Variants in KCNH5 observed in about 807,000 individuals in gnomAD.
KCNH5 encodes the protein potassium voltage-gated channel subfamily H member 5.
KCNH5 carries 46 observed loss-of-function variants against 96.1 expected under a neutral mutation model. The observed-to-expected ratio is 0.48, with a 90% CI of 0.38 to 0.61. KCNH5 has a LOEUF of 0.61. KCNH5 is among the 20% of genes least tolerant of loss of function. The pLI, the probability that KCNH5 is intolerant of heterozygous loss-of-function variation, is 0.00. For synonymous variants in KCNH5, 439 were observed against 449.8 expected, an observed-to-expected ratio of 0.98 and a Z score of 0.30; for missense variants, 907 against 1,225.8, an observed-to-expected ratio of 0.74 and a Z score of 3.88.
In KCNH5 at chr14:62,708,242, C is replaced by A. The variant is rs4902176; in HGVS notation, c.2233G>T (p.Ala745Ser). Residue 745 changes from alanine (A) to serine (S), a missense_variant, in exon 11 of 11, where the codon GCC (alanine) becomes TCC (serine). Coordinates refer to ENST00000322893, the MANE Select transcript of KCNH5 (RefSeq NM_139318.5). ...ACCACGCTGGTTCCGGTGATGGAGG[C>A]TCCATTCTGTAAGGAGCGGCTCTCT... ...QVESRSLQNG[A>S]SITGTSVVTV... is the part of the protein sequence containing the mutation. The A allele has an allele frequency of 1.2e-6, 2 of 1,613,996 alleles. No homozygotes were observed. The highest frequency in any genetic ancestry group is 2.2e-5 in the South Asian group (2 of 91,084).
chr14:62,791,814 G>A (rs1595624098), intron 9 of KCNH5, among the ~76,000 whole-genome samples: 1 of 151,620 alleles, frequency 6.6e-6, no homozygotes, highest in South Asian at 2.1e-4. Context: ...GCATAGAGAT[G>A]CAATAACAGC....
At position 62,897,243 on chromosome 14, in the gene KCNH5, T is replaced by C. The variant is rs527341540; in HGVS notation, c.1370-47391A>G. Among the ~76,000 whole-genome samples, 5 of 152,230 alleles carry C rather than the reference T, an allele frequency of 3.3e-5. No individual in the cohort carries two copies. The South Asian group carries it at 6.2e-4, about 19-fold the overall frequency. ...CTTGAGCAAGCATCTGAGAAACAAATAGCAATAACTCCTTATTAGCATGAC... is the reference window on the plus strand; with the variant it reads ...CTTGAGCAAGCATCTGAGAAACAAACAGCAATAACTCCTTATTAGCATGAC... On this transcript the variant is annotated intron_variant, in intron 7 of 10. Coordinates refer to ENST00000322893, the MANE Select transcript of KCNH5 (RefSeq NM_139318.5).
chr14:62,792,132 A>T (rs574872542), intron 9 of KCNH5, among the ~76,000 whole-genome samples: 1 of 151,740 alleles, frequency 6.6e-6, no homozygotes, highest in South Asian at 2.1e-4. Flanking sequence ...TGAGTATTAA[A>T]ATTAAGAAAT....
intron 8 of KCNH5, among the ~76,000 whole-genome samples, chr14:62,824,226 G>A (rs1887173083): frequency 6.6e-6 from 1 of 151,974 alleles, no homozygotes; most frequent in Admixed American, 6.6e-5. Context: ...GACAACCAAT[G>A]CTTGAGATTC....
rs1595644248 is a variant in KCNH5 at position 62,831,453 on chromosome 14, T to C, written c.1569+18200A>G. On this transcript the variant is annotated intron_variant, in intron 8 of 10. Coordinates refer to ENST00000322893, the MANE Select transcript of KCNH5 (RefSeq NM_139318.5). ...ATCCAGAGGTAAGCACTGGGTTTTT[T>C]AGTTGTATTTCCCTTACTACTGCTG... 4.6e-5 allele frequency among the ~76,000 whole-genome samples: 7 copies of C among 152,306 alleles called. 1 individual carries two copies.
intron 10 of KCNH5, among the ~76,000 whole-genome samples, chr14:62,772,337 T>C (rs1216316697): frequency 1.3e-5 from 2 of 152,074 alleles, no homozygotes; most frequent in African/African-American, 4.8e-5. Flanking sequence ...TAACTTAAGA[T>C]ACAAAAGTGA....
chr14:62,980,748 G>A, intron 6 of KCNH5, 124 bp downstream of exon 6: 1 of 969,092 alleles, frequency 1.0e-6, no homozygotes, highest in Non-Finnish European at 1.5e-6. Flanking sequence ...CTTTTGGCAA[G>A]GGTTTCAAGA....
intron 9 of KCNH5, among the ~76,000 whole-genome samples, chr14:62,796,723 G>A (rs773369780): frequency 1.3e-5 from 2 of 152,150 alleles, no homozygotes; most frequent in Non-Finnish European, 2.9e-5. Flanking sequence ...AAGTCCTGAC[G>A]ACATGTGCCC....
intron 10 of KCNH5, among the ~76,000 whole-genome samples, chr14:62,747,113 C>T (rs1885394229): frequency 6.6e-6 from 1 of 152,234 alleles, no homozygotes; most frequent in Admixed American, 6.5e-5. Context: ...GCGGGTGGAT[C>T]ACCTGAGGTC....
intron 8 of KCNH5, among the ~76,000 whole-genome samples, chr14:62,820,554 T>C (rs1887093906): frequency 6.6e-6 from 1 of 152,100 alleles, no homozygotes; most frequent in South Asian, 2.1e-4. Flanking sequence ...TGTGTGCTCA[T>C]CATTTAGCTC....
chr14:62,885,024 C>T (rs1888568767), intron 7 of KCNH5, among the ~76,000 whole-genome samples: 1 of 152,108 alleles, frequency 6.6e-6, no homozygotes, highest in African/African-American at 2.4e-5. Context: ...TCCCAGTACT[C>T]TATAAAAGAA....
intron 7 of KCNH5, among the ~76,000 whole-genome samples, chr14:62,929,849 G>A (rs1438575800): frequency 6.6e-6 from 1 of 151,780 alleles, no homozygotes; most frequent in East Asian, 1.9e-4. Context: ...CCATGTTTAT[G>A]TCCATGGGTG....
intron 10 of KCNH5, among the ~76,000 whole-genome samples, chr14:62,747,446 T>G (rs1025771732): frequency 6.6e-6 from 1 of 152,208 alleles, no homozygotes; most frequent in Non-Finnish European, 1.5e-5. Flanking sequence ...TTCCCCTGAG[T>G]GTCTCCCATT....
chr14:62,779,985 T>G lies in KCNH5; in HGVS notation c.1823-61A>C, dbSNP rs189754301. ...AACACTGTTCTTATTTAATCACTCT[T>G]GTTATTCAGTTTCATATACAGTATT... On this transcript the variant is annotated intron_variant, in intron 9 of 10. Transcript: ENST00000322893. 4.1e-5 allele frequency: 57 copies of G among 1,393,214 alleles called. No homozygotes were observed. The East Asian group carries it at 8.7e-4, about 21-fold the overall frequency. The allele number at this position is 1,393,214 out of a possible 1,614,324, so 86.3% of individuals were successfully genotyped here.
At chr14:62,969,965 G>C (rs180952305) in intron 6 of KCNH5, among the ~76,000 whole-genome samples, 1 of 147,406 alleles carries the variant, frequency 6.8e-6, no homozygotes, top group Non-Finnish European at 1.5e-5. Flanking sequence ...TTGAGGCTGG[G>C]AGGCAGAGGT....
intron 1 of KCNH5, among the ~76,000 whole-genome samples, chr14:63,021,865 T>C (rs1891434245): frequency 6.6e-6 from 1 of 152,156 alleles, no homozygotes; most frequent in Non-Finnish European, 1.5e-5. Flanking sequence ...ATTCCTCTAG[T>C]TTTTTTGCAG....
chr14:62,726,477 A>G (rs1341672999), intron 10 of KCNH5, among the ~76,000 whole-genome samples: 1 of 152,188 alleles, frequency 6.6e-6, no homozygotes, highest in Non-Finnish European at 1.5e-5. Flanking sequence ...ATAGAAAATG[A>G]GCATTTTACC....
chr14:62,909,032 A>AGTTTTTT (rs1889092648), intron 7 of KCNH5, among the ~76,000 whole-genome samples: 1 of 57,894 alleles, frequency 1.7e-5, no homozygotes, highest in African/African-American at 7.4e-5. Flanking sequence ...TATGCTACGT[A>AGTTTTTT]TTTTTTTTTT....
rs116559804 is a variant in KCNH5, at chr14:62,889,252, T to C, written c.1370-39400A>G. ...AAGGATTTTACTCAACAAATACTTA[T>C]TGATTGAGAGTCAGCTACCTGCCAG... On this transcript the variant is annotated intron_variant, in intron 7 of 10. Transcript: ENST00000322893. 7.2e-3 allele frequency among the ~76,000 whole-genome samples: 1,092 copies of C among 152,284 alleles called. 11 individuals are homozygous for C. The highest frequency in any genetic ancestry group is 0.025 in the African/African-American group (1,029 of 41,546).
Sources: allele counts gnomAD v4.1 joint callset (sites outside exome capture counted in the v4.1 genomes callset), GRCh38; gene constraint gnomAD v4.1.1; transcripts MANE v1.5; gene names NCBI Gene and HGNC (gene_info 2026-07-23, HGNC 2026-07-21).